The following ST3GAL4 variants were observed in gnomAD, a reference collection of about 807,000 sequenced individuals.
ST3GAL4 encodes the protein ST3 beta-galactoside alpha-2,3-sialyltransferase 4.
A neutral mutation model predicts 42.6 loss-of-function variants in ST3GAL4; 24 were observed. The ratio of observed to expected loss-of-function variants is 0.56; its 90% CI spans 0.41 to 0.79. The LOEUF (loss-of-function observed/expected upper bound fraction) is 0.79. ST3GAL4 is among the 30% of genes least tolerant of loss of function. ST3GAL4 has a pLI of 0.00. For missense variants in ST3GAL4, 311 were observed against 430.8 expected (o/e 0.72, Z 2.46); for synonymous variants, 135 against 163.2 (o/e 0.83, Z 1.32).
rs1443666953 is a variant in ST3GAL4, at chr11:126,400,295, G to A, written c.-60-5801G>A. Among the ~76,000 whole-genome samples the A allele has an allele frequency of 6.6e-6, 1 of 152,216 alleles. No individual in the cohort carries two copies. Among genetic ancestry groups the A allele is most frequent in the East Asian group, 1.9e-4 (1 of 5,200 alleles). Reference sequence around the variant, plus strand: ...AGACAGATCAAGAGGGGACCTAACTGGCCTTTTATAAGGAACCCAGTTCCA... The same window carrying A: ...AGACAGATCAAGAGGGGACCTAACTAGCCTTTTATAAGGAACCCAGTTCCA... On this transcript the variant is annotated intron_variant, in intron 1 of 10. Transcript: ENST00000444328. This position sits in a 1 kb window ranked among gnomAD's most constrained non-coding sequence, Gnocchi z 4.6.
At position 126,409,813 on chromosome 11, in the gene ST3GAL4, A is replaced by G. The variant is rs1314028469; in HGVS notation, c.771+402A>G. On this transcript the variant is annotated intron_variant, in intron 9 of 10. Coordinates refer to ENST00000444328, the MANE Select transcript of ST3GAL4 (RefSeq NM_001254757.2). The surrounding 1 kb of genome is among the most constrained non-coding windows in gnomAD (Gnocchi z 4.9). ...CTTGAAACACTAGTCTGAACGAGTT[A>G]TAAGAGTTGGAGCTAAACAGTTTGT... is the stretch of plus-strand genomic sequence containing the variant. 2.0e-5 allele frequency among the ~76,000 whole-genome samples: 3 copies of G among 152,236 alleles called. No individual in the cohort carries two copies. The highest frequency in any genetic ancestry group is 7.2e-5 in the African/African-American group (3 of 41,454).
rs1242486056 is a variant in ST3GAL4 at position 126,400,867 on chromosome 11, T to TA, written c.-60-5225dup. On this transcript the variant is annotated intron_variant, in intron 1 of 10. Coordinates refer to ENST00000444328, the MANE Select transcript of ST3GAL4 (RefSeq NM_001254757.2). This position sits in a 1 kb window ranked among gnomAD's most constrained non-coding sequence, Gnocchi z 4.6. Reference sequence around the variant, plus strand: ...ACCTTCACACTGGGGCTGAGTTTTGTAAAATCCGACATCCCCAGTTTCACC... The same window carrying TA: ...ACCTTCACACTGGGGCTGAGTTTTGTAAAAATCCGACATCCCCAGTTTCACC... 6.6e-6 allele frequency among the ~76,000 whole-genome samples: 1 copy of TA among 152,146 alleles called. No individual in the cohort carries two copies. Among genetic ancestry groups the TA allele is most frequent in the Non-Finnish European group, 1.5e-5 (1 of 68,014 alleles).
chr11:126,407,409 T>C, intron 5 of ST3GAL4, 60 bp downstream of exon 5: 1 of 1,588,360 alleles, frequency 6.3e-7, no homozygotes, highest in Non-Finnish European at 8.6e-7. Context: ...TGCTTCCTAT[T>C]CTCTGCCGTC....
At chr11:126,372,058 C>T (rs1016143872) in intron 1 of ST3GAL4, among the ~76,000 whole-genome samples, 1 of 152,196 alleles carries the variant, frequency 6.6e-6, no homozygotes, top group Non-Finnish European at 1.5e-5. Flanking sequence ...AATGCACAAG[C>T]ACAAGGTTCT....
At chr11:126,370,078 G>A (rs1452494720) in intron 1 of ST3GAL4, among the ~76,000 whole-genome samples, 1 of 152,176 alleles carries the variant, frequency 6.6e-6, no homozygotes, top group African/African-American at 2.4e-5. Context: ...TCCATCTTAT[G>A]CTGTTAGAAA....
Position 126,392,176 on chromosome 11 carries a change from G to A in ST3GAL4, c.-60-13920G>A, listed in dbSNP as rs1280729161. The A allele has an allele frequency of 1.9e-5, 6 of 318,118 alleles. No homozygotes were observed. Among genetic ancestry groups the A allele is most frequent in the Non-Finnish European group, 2.3e-5 (5 of 220,100 alleles). 19.7% of individuals were successfully genotyped at this position (318,118 alleles called of 1,614,324 possible). ...CTCCTGGAGGCCACATGTACCTTGC[G>A]CTTCCTGGGGCTTGGTCCTGGGGTT... On this transcript the variant is annotated intron_variant, in intron 1 of 10. Transcript: ENST00000444328. This position sits in a 1 kb window ranked among gnomAD's most constrained non-coding sequence, Gnocchi z 5.8.
At position 126,386,807 on chromosome 11, in the gene ST3GAL4, T is replaced by C. The variant is rs1764085344; in HGVS notation, c.-60-19289T>C. 6.6e-6 allele frequency among the ~76,000 whole-genome samples: 1 copy of C among 152,154 alleles called. No homozygotes were observed. Among genetic ancestry groups the C allele is most frequent in the African/African-American group, 2.4e-5 (1 of 41,434 alleles). ...GATCTTTGCACTGCGCTGTTTTGAC[T>C]TGGAGAGGAGAGGAGGAAGTTAGCT... On this transcript the variant is annotated intron_variant, in intron 1 of 10. Transcript: ENST00000444328. This position sits in a 1 kb window ranked among gnomAD's most constrained non-coding sequence, Gnocchi z 4.7.
At chr11:126,360,501 G>A (rs1425642646) in intron 1 of ST3GAL4, among the ~76,000 whole-genome samples, 3 of 152,170 alleles carry the variant, frequency 2.0e-5, no homozygotes. Flanking sequence ...TCGGCTAACT[G>A]CAACCTCCAT....
At position 126,413,643 on chromosome 11, in the gene ST3GAL4, A is replaced by G. The variant is rs1954625460; in HGVS notation, c.910A>G (p.Met304Val). 3 of 1,614,166 alleles carry G rather than the reference A, an allele frequency of 1.9e-6. No individual in the cohort carries two copies. Among genetic ancestry groups the G allele is most frequent in the South Asian group, 1.1e-5 (1 of 91,084 alleles). Residue 304 changes from methionine (M) to valine (V), a missense_variant, in exon 10 of 11, where the codon ATG (methionine) becomes GTG (valine). Transcript: ENST00000444328. ...HYYEQITLKS[M>V]AGSGHNVSQE... ...CTATGAGCAGATCACGCTCAAGTCC[A>G]TGGCGGTAAGTGCCTGGCTTGTGAG...
intron 1 of ST3GAL4, among the ~76,000 whole-genome samples, chr11:126,362,452 C>T (rs540542890): frequency 3.1e-4 from 47 of 152,254 alleles, no homozygotes; most frequent in Non-Finnish European, 5.9e-5. Flanking sequence ...CCACCTGCCT[C>T]GGCCTCCCAA....
intron 9 of ST3GAL4, among the ~76,000 whole-genome samples, chr11:126,412,696 C>T (rs533709849): frequency 1.3e-5 from 2 of 152,264 alleles, no homozygotes; most frequent in African/African-American, 4.8e-5. Flanking sequence ...TAGAGCGCCA[C>T]CCCCATAAAG....
chr11:126,407,151 G>A lies in ST3GAL4; in HGVS notation c.183-101G>A, dbSNP rs73633619. On this transcript the variant is annotated intron_variant, in intron 4 of 10. Transcript: ENST00000444328. ...GACATGGGTTAGGTGAAGCCAGGGA[G>A]GGAAGAGAAGGCCTTATAATATTAG... 1.4e-3 allele frequency: 2,091 copies of A among 1,476,534 alleles called. 27 individuals are homozygous for A. The African/African-American group carries it at 0.025, about 18-fold the overall frequency. 91.5% of individuals were successfully genotyped at this position (1,476,534 alleles called of 1,614,324 possible).
intron 1 of ST3GAL4, among the ~76,000 whole-genome samples, chr11:126,374,001 C>T (rs1198006509): frequency 3.3e-5 from 5 of 152,086 alleles, no homozygotes; most frequent in Admixed American, 2.0e-4. Flanking sequence ...TAATTCAACA[C>T]GTTTGTATTG....
rs148648138 is a variant in ST3GAL4 at position 126,411,809 on chromosome 11, T to C, written c.772-1696T>C. 2.1e-3 allele frequency among the ~76,000 whole-genome samples: 323 copies of C among 152,234 alleles called. No individual in the cohort carries two copies. The highest frequency in any genetic ancestry group is 3.3e-3 in the Admixed American group (50 of 15,266). ...GCCAGCGACGGCACAATAGATCCTT[T>C]CTGTGCTTCAAATCTCTGACCTCCG... is the stretch of plus-strand genomic sequence containing the variant. On this transcript the variant is annotated intron_variant, in intron 9 of 10. Transcript: ENST00000444328. The surrounding 1 kb of genome is among the most constrained non-coding windows in gnomAD (Gnocchi z 6.3).
intron 1 of ST3GAL4, among the ~76,000 whole-genome samples, chr11:126,402,542 G>A (rs1046869738): frequency 6.6e-6 from 1 of 151,810 alleles, no homozygotes; most frequent in Non-Finnish European, 1.5e-5. Context: ...AGTAAACCGC[G>A]AGCTTCTGCC....
chr11:126,404,472 A>G (rs1448245593), intron 1 of ST3GAL4, among the ~76,000 whole-genome samples: 4 of 152,202 alleles, frequency 2.6e-5, no homozygotes, highest in African/African-American at 9.7e-5. Flanking sequence ...TTATATCCCA[A>G]CTGGGGAGAC....
intron 1 of ST3GAL4, among the ~76,000 whole-genome samples, chr11:126,358,012 A>G (rs1477601154): frequency 6.6e-6 from 1 of 152,210 alleles, no homozygotes; most frequent in East Asian, 1.9e-4. Context: ...CAGGGGATGG[A>G]GAGGGAGCTT....
chr11:126,369,830 T>C lies in ST3GAL4; in HGVS notation c.-61+13988T>C, dbSNP rs1279774655. 2.6e-5 allele frequency among the ~76,000 whole-genome samples: 4 copies of C among 152,254 alleles called. No individual in the cohort carries two copies. The East Asian group carries it at 7.7e-4, about 29-fold the overall frequency. On this transcript the variant is annotated intron_variant, in intron 1 of 10. Coordinates refer to ENST00000444328, the MANE Select transcript of ST3GAL4 (RefSeq NM_001254757.2). ...CTCTTGAGAGGCAATAGCCTTGTTTTGCATCCTTCTGAGTACTCTATTCAC... is the reference window on the plus strand; with the variant it reads ...CTCTTGAGAGGCAATAGCCTTGTTTCGCATCCTTCTGAGTACTCTATTCAC...
Position 126,413,543 on chromosome 11 carries a change from C to T in ST3GAL4, c.810C>T (p.Leu270=). ...TTGLLAITLA[L]HLCDLVHIAG... is the part of the protein sequence containing the mutation. ...GCCTGTTGGCCATCACGCTGGCCCT[C>T]CACCTCTGTGACTTGGTGCACATTG... Residue 270 remains leucine (L), a synonymous_variant, in exon 10 of 11, where the codon CTC becomes CTT. Transcript: ENST00000444328. 1 of 1,614,262 alleles carries T rather than the reference C, an allele frequency of 6.2e-7. No homozygotes were observed.
Sources: gnomAD v4.1 joint callset for allele counts (sites outside exome capture counted in the v4.1 genomes callset) on GRCh38, gnomAD v4.1.1 for gene constraint, Gnocchi (gnomAD v3.1) non-coding constraint, MANE v1.5 for transcripts, NCBI Gene and HGNC (gene_info 2026-07-23, HGNC 2026-07-21) for gene names.